The following GJA5 variants were observed in gnomAD, a reference collection of about 807,000 sequenced individuals.
GJA5 encodes the protein gap junction alpha-5 protein.
GJA5 carries 3 observed loss-of-function variants against 7.9 expected under a neutral mutation model. That is an observed-to-expected ratio of 0.38 (90% CI 0.17 to 0.99). GJA5 has a LOEUF of 0.99. Among genes scored for constraint, GJA5 ranks in the 50% least tolerant of loss-of-function variants. GJA5 has a pLI of 0.38. For missense variants in GJA5, 390 were observed against 457.9 expected (o/e 0.85, Z 1.35); for synonymous variants, 193 against 181.0 (o/e 1.07, Z -0.53).
chr1:147,771,680 C>T (rs782688886), intron 1 of GJA5, among the ~76,000 whole-genome samples: 47 of 152,308 alleles, frequency 3.1e-4, no homozygotes, highest in African/African-American at 7.7e-4. Flanking sequence ...GCTCTGTGAA[C>T]GTCACATGTG....
chr1:147,770,512 A>G (rs928920071), intron 1 of GJA5, among the ~76,000 whole-genome samples: 1 of 152,192 alleles, frequency 6.6e-6, no homozygotes, highest in African/African-American at 2.4e-5. Flanking sequence ...TTTCTATTTG[A>G]TAGCCATTTA....
At chr1:147,773,011 A>C (rs1247283457) in intron 1 of GJA5, among the ~76,000 whole-genome samples, 1 of 152,092 alleles carries the variant, frequency 6.6e-6, no homozygotes, top group African/African-American at 2.4e-5. Flanking sequence ...AGGGCCCTCC[A>C]CTCGCAATTC....
intron 1 of GJA5, among the ~76,000 whole-genome samples, chr1:147,769,234 A>G (rs1457303653): frequency 6.6e-6 from 1 of 152,262 alleles, no homozygotes; most frequent in Non-Finnish European, 1.5e-5. Flanking sequence ...TGGCTGCAGC[A>G]GTGTCTACTG....
Position 147,756,211 on chromosome 1 carries a change from T to C in GJA5, c.*1951A>G, listed in dbSNP as rs1163279986. ...AACAAAAGAGAGATAGATGTAGAGA[T>C]AGATTTTATTAAGACAAATTACACA... On this transcript the variant is annotated 3_prime_UTR_variant, in exon 2 of 2. Coordinates refer to ENST00000579774, the MANE Select transcript of GJA5 (RefSeq NM_181703.4). The C allele has an allele frequency of 2.0e-5, 3 of 152,248 alleles. No individual in the cohort carries two copies. The highest frequency in any genetic ancestry group is 2.9e-5 in the Non-Finnish European group (2 of 68,038). The allele number at this position is 152,248 out of a possible 1,614,324, so 9.4% of individuals were successfully genotyped here. A position where few individuals can be genotyped will look rare whatever the true frequency, so the allele number is the denominator to read the frequency against.
intron 1 of GJA5, among the ~76,000 whole-genome samples, chr1:147,772,043 C>T (rs1310992352): frequency 1.3e-5 from 2 of 152,112 alleles, no homozygotes; most frequent in Admixed American, 6.5e-5. Context: ...AGCCATGAGC[C>T]ACAGCACCAG....
At chr1:147,770,576 G>A (rs587705690) in intron 1 of GJA5, among the ~76,000 whole-genome samples, 2 of 152,124 alleles carry the variant, frequency 1.3e-5, no homozygotes, top group East Asian at 3.9e-4. Context: ...AGCATCTTTG[G>A]CAGATGAAGA....
At position 147,757,879 on chromosome 1, in the gene GJA5, T is replaced by C; in HGVS notation, c.*283A>G. 2.1e-6 allele frequency: 1 copy of C among 466,804 alleles called. No individual in the cohort carries two copies. The highest frequency in any genetic ancestry group is 3.9e-6 in the Non-Finnish European group (1 of 255,064). The allele number at this position is 466,804 out of a possible 1,614,324, so 28.9% of individuals were successfully genotyped here. A position where few individuals can be genotyped will look rare whatever the true frequency, so the allele number is the denominator to read the frequency against. ...CCTTCCAGGCCAGCTTTTGCCATGC[T>C]TCCCTTCTTTCCCTCTACCCTGTTT... is the stretch of plus-strand genomic sequence containing the variant. On this transcript the variant is annotated 3_prime_UTR_variant, in exon 2 of 2. Coordinates refer to ENST00000579774, the MANE Select transcript of GJA5 (RefSeq NM_181703.4).
In GJA5 at chr1:147,758,086, A is replaced by T. The variant is rs1663809413; in HGVS notation, c.*76T>A. 3 of 979,060 alleles carry T rather than the reference A, an allele frequency of 3.1e-6. No individual in the cohort carries two copies. The highest frequency in any genetic ancestry group is 5.0e-6 in the Non-Finnish European group (3 of 602,636). The allele number at this position is 979,060 out of a possible 1,614,324, so 60.6% of individuals were successfully genotyped here. ...GCAGTGATGACAGTGAGAAAGCATCAGTTCAGAAGGGACACGTCTTTCCTC... is the reference window on the plus strand; with the variant it reads ...GCAGTGATGACAGTGAGAAAGCATCTGTTCAGAAGGGACACGTCTTTCCTC... On this transcript the variant is annotated 3_prime_UTR_variant, in exon 2 of 2. Coordinates refer to ENST00000579774, the MANE Select transcript of GJA5 (RefSeq NM_181703.4).
chr1:147,770,043 A>G (rs1225446674), intron 1 of GJA5, among the ~76,000 whole-genome samples: 1 of 151,884 alleles, frequency 6.6e-6, no homozygotes, highest in African/African-American at 2.4e-5. Context: ...GAAGAGAAAG[A>G]GGGGGTTGTC....
intron 1 of GJA5, among the ~76,000 whole-genome samples, chr1:147,769,474 C>T (rs1008868139): frequency 1.3e-5 from 2 of 152,174 alleles, no homozygotes; most frequent in East Asian, 1.9e-4. Flanking sequence ...ATGGGGATAA[C>T]GTAATGTGTG....
intron 1 of GJA5, among the ~76,000 whole-genome samples, chr1:147,772,400 G>A (rs934013925): frequency 6.6e-6 from 1 of 152,096 alleles, no homozygotes; most frequent in South Asian, 2.1e-4. Context: ...CTTACACACC[G>A]TTACTGCTGA....
chr1:147,772,789 G>GA (rs10687653), intron 1 of GJA5, among the ~76,000 whole-genome samples: 2,027 of 125,902 alleles, frequency 0.016, 42 homozygotes, highest in African/African-American at 0.024. Context: ...GCCTTAGGGA[G>GA]AAAAAAAAAA....
rs149441155 is a variant in GJA5 at position 147,758,714 on chromosome 1, G to A, written c.525C>T (p.Tyr175=). Residue 175 remains tyrosine, a synonymous_variant, in exon 2 of 2, where the codon TAC becomes TAT. Coordinates refer to ENST00000579774, the MANE Select transcript of GJA5 (RefSeq NM_181703.4). ...CATGCAGGGTGGTCAGGAAGATTCC[G>A]TAGATGAAGTACTGGCCCACAATGA... ...VGFIVGQYFI[Y]GIFLTTLHVC... 1.3e-5 allele frequency: 21 copies of A among 1,614,220 alleles called. No individual in the cohort carries two copies. The highest frequency in any genetic ancestry group is 6.7e-5 in the African/African-American group (5 of 75,062).
At chr1:147,768,097 C>T (rs1329655620) in intron 1 of GJA5, among the ~76,000 whole-genome samples, 1 of 152,124 alleles carries the variant, frequency 6.6e-6, no homozygotes, top group Non-Finnish European at 1.5e-5. Flanking sequence ...TAGAAGTCCA[C>T]TGAGGGCCAG....
rs1283385878 is a variant in GJA5, at chr1:147,759,104, C to G, written c.135G>C (p.Trp45Cys). 6.2e-7 allele frequency: 1 copy of G among 1,612,574 alleles called. No individual in the cohort carries two copies. The highest frequency in any genetic ancestry group is 1.3e-5 in the African/African-American group (1 of 74,918). Residue 45 changes from tryptophan (W) to cysteine (C), a missense_variant, in exon 2 of 2, where the codon TGG becomes TGC. Around this residue, in one of 2 missense-constraint regions of GJA5, gnomAD observed 36 missense variants for 87.1 expected, o/e 0.41. Transcript: ENST00000579774. ...LVLGTAAESS[W>C]GDEQADFRCD... ...ACCGGAAATCAGCCTGCTCATCCCC[C>G]CAGGAAGACTCAGCAGCTGTGCCCA...
intron 1 of GJA5, among the ~76,000 whole-genome samples, chr1:147,765,858 A>G (rs1214808269): frequency 6.6e-6 from 1 of 152,134 alleles, no homozygotes; most frequent in Admixed American, 6.5e-5. Flanking sequence ...TAGTGGCTGC[A>G]GCATCAACTA....
intron 1 of GJA5, 149 bp from the exon 2 acceptor site, chr1:147,759,420 A>G: frequency 1.7e-6 from 1 of 598,440 alleles, no homozygotes; most frequent in East Asian, 2.8e-5. Flanking sequence ...AACCAACGAA[A>G]AGCTCGCTCT....
At position 147,767,790 on chromosome 1, in the gene GJA5, G is replaced by T. The variant is rs75999051; in HGVS notation, c.-34+5462C>A. Among the ~76,000 whole-genome samples the T allele has an allele frequency of 8.3e-3, 1,258 of 152,164 alleles. 3 individuals carry two copies. Among genetic ancestry groups the T allele is most frequent in the Non-Finnish European group, 0.014 (947 of 67,994 alleles). On this transcript the variant is annotated intron_variant, in intron 1 of 1. Transcript: ENST00000430508. ...CAGCTCATCTGACAGCAGTGTCCCT[G>T]CCTTGACAACTGTGCTAAACTCTAT...
chr1:147,767,533 A>G (rs791293), intron 1 of GJA5, among the ~76,000 whole-genome samples: 50,492 of 149,132 alleles, frequency 0.34, 9,046 homozygotes, highest in Non-Finnish European at 0.4. Flanking sequence ...GACCACAGGC[A>G]TGCACCACCA....
Sources: allele counts gnomAD v4.1 joint callset (sites outside exome capture counted in the v4.1 genomes callset), GRCh38; gene constraint gnomAD v4.1.1; regional missense constraint gnomAD v4.1.1; transcripts MANE v1.5; gene names NCBI Gene and HGNC (gene_info 2026-07-23, HGNC 2026-07-21).